Variants in MTUS2 observed in about 807,000 individuals in gnomAD.
The protein encoded by MTUS2 is microtubule-associated tumor suppressor candidate 2.
Under a neutral mutation model 114.1 loss-of-function variants are expected in MTUS2, and 40 were observed. That is an observed-to-expected ratio of 0.35 (90% CI 0.27 to 0.46). MTUS2 has a LOEUF of 0.46. Ranked by LOEUF, MTUS2 falls within the 20% of genes least tolerant of loss-of-function variation. The pLI, the probability that MTUS2 is intolerant of heterozygous loss-of-function variation, is 1.00. For missense variants in MTUS2, 1,679 were observed against 1,705.4 expected (o/e 0.98, Z 0.27); for synonymous variants, 688 against 672.0 (o/e 1.02, Z -0.37).
chr13:28,986,065 G>A (rs756895427), intron 2 of MTUS2, among the ~76,000 whole-genome samples: 22 of 151,978 alleles, frequency 1.4e-4, no homozygotes, highest in African/African-American at 3.6e-4. Context: ...TTATAGAAAC[G>A]GAACATAGGA....
At position 29,403,307 on chromosome 13, in the gene MTUS2, A is replaced by G. The variant is rs182349256; in HGVS notation, c.3118-36676A>G. On this transcript the variant is annotated intron_variant, in intron 8 of 15. Transcript: ENST00000612955. ...ACCCTCCTGATTCCTTCCTGCTCCA[A>G]TCTTGTGTCCCTTCCCTCTCCAGGC... Among the ~76,000 whole-genome samples the G allele has an allele frequency of 2.3e-4, 35 of 152,056 alleles. No homozygotes were observed. In the South Asian group the frequency reaches 6.9e-3, roughly 30 times the overall value.
chr13:29,138,734 T>G (rs1010420543), intron 5 of MTUS2, among the ~76,000 whole-genome samples: 1 of 151,774 alleles, frequency 6.6e-6, no homozygotes, highest in Non-Finnish European at 1.5e-5. Flanking sequence ...AAATTTTTTC[T>G]TAAAGCTTTT....
At chr13:29,026,979 A>G in intron 3 of MTUS2, 76 bp downstream of exon 3, 1 of 1,399,574 alleles carries the variant, frequency 7.1e-7, no homozygotes, top group Non-Finnish European at 9.6e-7. Flanking sequence ...ATGAGTTATG[A>G]AAGTAAAATG....
At chr13:28,940,027 C>T (rs942182504) in intron 2 of MTUS2, among the ~76,000 whole-genome samples, 23 of 152,268 alleles carry the variant, frequency 1.5e-4, no homozygotes, top group African/African-American at 5.3e-4. Flanking sequence ...GACCTGCCCC[C>T]TTGACTCAGT....
At position 28,897,269 on chromosome 13, in the gene MTUS2, A is replaced by T. The variant is rs574214342; in HGVS notation, c.-243+57419A>T. 3.3e-5 allele frequency among the ~76,000 whole-genome samples: 5 copies of T among 152,290 alleles called. No homozygotes were observed. In the East Asian group the frequency reaches 9.6e-4, roughly 29 times the overall value. ...GAACACATGCTTCTCAAAAGAAGAC[A>T]TTTATGCAGCCAAAAAACACATGAA... On this transcript the variant is annotated intron_variant, in intron 2 of 15. Transcript: ENST00000612955.
chr13:28,977,225 A>T (rs1427916145), intron 2 of MTUS2, among the ~76,000 whole-genome samples: 1 of 152,200 alleles, frequency 6.6e-6, no homozygotes, highest in Non-Finnish European at 1.5e-5. Context: ...ATGATTGATG[A>T]ATCGCATCCT....
At chr13:29,215,802 G>C (rs1895656226) in intron 5 of MTUS2, among the ~76,000 whole-genome samples, 1 of 152,128 alleles carries the variant, frequency 6.6e-6, no homozygotes, top group Admixed American at 6.5e-5. Context: ...TCCTGGATGT[G>C]GTGTCTGTTG....
intron 2 of MTUS2, among the ~76,000 whole-genome samples, chr13:28,992,264 G>T (rs1297352652): frequency 6.6e-6 from 1 of 152,210 alleles, no homozygotes; most frequent in African/African-American, 2.4e-5. Context: ...CTGCCTGGGG[G>T]AGGTAGATGG....
chr13:29,414,824 T>C (rs540426595), intron 8 of MTUS2, among the ~76,000 whole-genome samples: 1 of 151,988 alleles, frequency 6.6e-6, no homozygotes, highest in East Asian at 1.9e-4. Flanking sequence ...TATTTCCTTC[T>C]AATTGCTTCC....
chr13:29,121,838 T>C (rs1158574039), intron 5 of MTUS2, among the ~76,000 whole-genome samples: 1 of 152,032 alleles, frequency 6.6e-6, no homozygotes, highest in Non-Finnish European at 1.5e-5. Context: ...GTATTTTTTT[T>C]TAGTAGAGAC....
intron 7 of MTUS2, among the ~76,000 whole-genome samples, chr13:29,332,061 A>G (rs907901821): frequency 2.0e-5 from 3 of 152,172 alleles, no homozygotes; most frequent in African/African-American, 7.2e-5. Flanking sequence ...TATCAGGATG[A>G]TGCTGGCCTC....
chr13:29,379,663 C>A (rs1872053300), intron 8 of MTUS2, among the ~76,000 whole-genome samples: 2 of 152,116 alleles, frequency 1.3e-5, no homozygotes, highest in Admixed American at 1.3e-4. Context: ...TCATACATGT[C>A]CTCTCAAGCA....
intron 2 of MTUS2, among the ~76,000 whole-genome samples, chr13:28,971,961 A>G (rs957005852): frequency 4.6e-5 from 7 of 152,250 alleles, no homozygotes; most frequent in African/African-American, 1.7e-4. Flanking sequence ...ATTCATGGTA[A>G]CACTGATTTA....
Position 29,437,390 on chromosome 13 carries a change from C to T in MTUS2, c.3118-2593C>T, listed in dbSNP as rs148527839. On this transcript the variant is annotated intron_variant, in intron 8 of 15. Coordinates refer to ENST00000612955, the MANE Select transcript of MTUS2 (RefSeq NM_001033602.4). ...TATGAGTATTCAGAACTATTCTTGA[C>T]AGTAAAAGCAAGTTGGTTTTTCCAC... Among the ~76,000 whole-genome samples, 1,240 of 152,270 alleles carry T rather than the reference C, an allele frequency of 8.1e-3. 22 individuals are homozygous for T. The highest frequency in any genetic ancestry group is 0.029 in the African/African-American group (1,198 of 41,558).
intron 2 of MTUS2, among the ~76,000 whole-genome samples, chr13:28,907,862 GTTCTT>G (rs897697912): frequency 2.0e-5 from 3 of 151,446 alleles, no homozygotes; most frequent in African/African-American, 7.3e-5. Context: ...AAAGTTGACA[GTTCTT>G]TTCTTTCAGC....
rs1871650964 is a variant in MTUS2, at chr13:29,375,627, ATATATATATATACACACAC to A, written c.3117+16155_3117+16173del. 3.2e-4 allele frequency among the ~76,000 whole-genome samples: 2 copies of A among 6,320 alleles called. 1 individual carries two copies. The allele number at this position is 6,320 out of a possible 152,430, so 4.1% of individuals were successfully genotyped here. A position where few individuals can be genotyped will look rare whatever the true frequency, so the allele number is the denominator to read the frequency against. On this transcript the variant is annotated intron_variant, in intron 8 of 15. Transcript: ENST00000612955. ...TATATACGTATATATATATATATAT[ATATATATATATACACACAC>A]CATGAAATACCACTCAGCTATAAAA... is the stretch of plus-strand genomic sequence containing the variant.
intron 8 of MTUS2, among the ~76,000 whole-genome samples, chr13:29,408,694 ATAGATAACCATTGTCC>A (rs1555275119): frequency 2.6e-5 from 4 of 151,272 alleles, no homozygotes; most frequent in Non-Finnish European, 5.9e-5. Context: ...TTTTTTTCAT[ATAGATAACCATTGTCC>A]TAGCCTCATT....
At chr13:29,019,021 A>G (rs1227243463) in intron 2 of MTUS2, among the ~76,000 whole-genome samples, 2 of 151,838 alleles carry the variant, frequency 1.3e-5, no homozygotes, top group African/African-American at 2.4e-5. Flanking sequence ...AAAATAAACA[A>G]TGGCCCTTAC....
chr13:29,425,877 G>A (rs528352148), intron 8 of MTUS2, among the ~76,000 whole-genome samples: 23 of 137,894 alleles, frequency 1.7e-4, no homozygotes, highest in Non-Finnish European at 2.7e-4. Context: ...CTCCAGTCTC[G>A]TGCTAATCTC....
Sources: allele counts gnomAD v4.1 joint callset (sites outside exome capture counted in the v4.1 genomes callset), GRCh38; gene constraint gnomAD v4.1.1; transcripts MANE v1.5; gene names NCBI Gene and HGNC (gene_info 2026-07-23, HGNC 2026-07-21).